The following CDK8 variants were observed in gnomAD, a reference collection of about 807,000 sequenced individuals.
The protein encoded by CDK8 is cyclin-dependent kinase 8.
Under a neutral mutation model 71.5 loss-of-function variants are expected in CDK8, and 29 were observed. That is an observed-to-expected ratio of 0.41 (90% confidence interval 0.30 to 0.55). The LOEUF is 0.55. Ranked by LOEUF, CDK8 falls within the 20% of genes least tolerant of loss-of-function variation. The pLI, the probability that CDK8 is intolerant of heterozygous loss-of-function variation, is 0.37. For synonymous variants in CDK8, 161 were observed against 192.1 expected, an observed-to-expected ratio of 0.84 and a Z score of 1.34; for missense variants, 288 against 572.6, an observed-to-expected ratio of 0.50 and a Z score of 5.07.
intron 1 of CDK8, among the ~76,000 whole-genome samples, chr13:26,309,610 A>G (rs1874195874): frequency 6.6e-6 from 1 of 151,896 alleles, no homozygotes; most frequent in African/African-American, 2.4e-5. Flanking sequence ...ATATGCCTGG[A>G]TTCCAGACCC....
chr13:26,295,956 G>C (rs1251233076), intron 1 of CDK8, among the ~76,000 whole-genome samples: 1 of 152,040 alleles, frequency 6.6e-6, no homozygotes, highest in Non-Finnish European at 1.5e-5. Context: ...CATTTGACTG[G>C]ACAGTGGCTG....
intron 1 of CDK8, among the ~76,000 whole-genome samples, chr13:26,263,906 C>T (rs971343968): frequency 1.1e-4 from 16 of 152,046 alleles, no homozygotes; most frequent in African/African-American, 3.9e-4. Context: ...GCCACTACGC[C>T]CGGCTAATTT....
intron 1 of CDK8, among the ~76,000 whole-genome samples, chr13:26,278,554 T>A (rs1265196588): frequency 6.6e-6 from 1 of 152,178 alleles, no homozygotes. Context: ...GGGATAAAAC[T>A]TGCAAGAACA....
chr13:26,327,514 G>A (rs1213176208), intron 1 of CDK8, among the ~76,000 whole-genome samples: 2 of 152,176 alleles, frequency 1.3e-5, no homozygotes, highest in African/African-American at 4.8e-5. Flanking sequence ...GTAAGAAATA[G>A]TTCTAGGCAG....
At position 26,342,170 on chromosome 13, in the gene CDK8, C is replaced by T. The variant is rs183763518; in HGVS notation, c.204+4528C>T. 2.0e-5 allele frequency among the ~76,000 whole-genome samples: 3 copies of T among 152,338 alleles called. 1 individual carries two copies. Among genetic ancestry groups the T allele is most frequent in the Admixed American group, 1.3e-4 (2 of 15,308 alleles). ...CCTCGTGATCCGCCCACCTCAGCCT[C>T]CCAAAGTGCTGGGATTACAGGCGGC... On this transcript the variant is annotated intron_variant, in intron 2 of 12. Transcript: ENST00000381527.
At chr13:26,358,588 T>A (rs1412480539) in intron 4 of CDK8, among the ~76,000 whole-genome samples, 1 of 152,140 alleles carries the variant, frequency 6.6e-6, no homozygotes, top group African/African-American at 2.4e-5. Context: ...TGGCAGTTTT[T>A]AAAAAAATTA....
intron 6 of CDK8, among the ~76,000 whole-genome samples, chr13:26,386,674 A>G (rs1875492421): frequency 6.6e-6 from 1 of 152,076 alleles, no homozygotes; most frequent in Non-Finnish European, 1.5e-5. Flanking sequence ...TAGTTCTTGT[A>G]TTTCTGAAAA....
intron 1 of CDK8, among the ~76,000 whole-genome samples, chr13:26,299,890 G>A (rs1055749558): frequency 4.6e-5 from 7 of 151,936 alleles, no homozygotes; most frequent in African/African-American, 1.5e-4. Flanking sequence ...AGGCTTGCTG[G>A]GCCATGTATA....
intron 1 of CDK8, among the ~76,000 whole-genome samples, chr13:26,279,293 T>C (rs568344824): frequency 2.0e-5 from 3 of 152,186 alleles, no homozygotes; most frequent in Non-Finnish European, 4.4e-5. Flanking sequence ...GGAAATTAAA[T>C]ATTCATTGGT....
At chr13:26,320,263 A>T (rs921948785) in intron 1 of CDK8, among the ~76,000 whole-genome samples, 1 of 151,648 alleles carries the variant, frequency 6.6e-6, no homozygotes, top group Non-Finnish European at 1.5e-5. Flanking sequence ...GAAAAAAAAA[A>T]GGCTGTGTGT....
chr13:26,370,198 A>G (rs1185545280), intron 4 of CDK8, among the ~76,000 whole-genome samples: 2 of 152,230 alleles, frequency 1.3e-5, no homozygotes, highest in Admixed American at 1.3e-4. Flanking sequence ...AGAACCTGAT[A>G]AAGATAATGC....
At chr13:26,372,977 G>A (rs1163400150) in intron 4 of CDK8, among the ~76,000 whole-genome samples, 1 of 152,080 alleles carries the variant, frequency 6.6e-6, no homozygotes, top group Non-Finnish European at 1.5e-5. Flanking sequence ...TGTGAATTAT[G>A]CCATACCCAC....
intron 8 of CDK8, 130 bp downstream of exon 8, chr13:26,396,484 CTA>C (rs916718171): frequency 2.8e-6 from 1 of 363,196 alleles, no homozygotes; most frequent in Non-Finnish European, 5.1e-6. Context: ...CTTATTTACT[CTA>C]ATAAATATTT....
In CDK8 at chr13:26,288,959, G is replaced by A. The variant is rs536921652; in HGVS notation, c.128+34190G>A. On this transcript the variant is annotated intron_variant, in intron 1 of 12. Coordinates refer to ENST00000381527, the MANE Select transcript of CDK8 (RefSeq NM_001260.3). ...AGAGATGGGGTTTCACTATGGTCTC[G>A]AATTCCTGACCTCAGATGATCCTCC... 1.3e-4 allele frequency among the ~76,000 whole-genome samples: 20 copies of A among 151,480 alleles called. No individual in the cohort carries two copies. The South Asian group carries it at 4.2e-3, about 32-fold the overall frequency.
chr13:26,383,110 T>C (rs567768706), intron 5 of CDK8, among the ~76,000 whole-genome samples: 19 of 152,262 alleles, frequency 1.2e-4, no homozygotes, highest in Non-Finnish European at 2.8e-4. Flanking sequence ...CAGAAACCTC[T>C]GCTTTCATTA....
chr13:26,319,595 A>C (rs1334816879), intron 1 of CDK8, among the ~76,000 whole-genome samples: 5 of 152,164 alleles, frequency 3.3e-5, no homozygotes, highest in Non-Finnish European at 5.9e-5. Context: ...TCCTATGTTC[A>C]TGAATTGGAA....
At position 26,254,366 on chromosome 13, in the gene CDK8, T is replaced by A. The variant is rs925206089; in HGVS notation, c.-276T>A. ...GCGGGGACAAGGGCAGAGACACCGC[T>A]CCCCACCCCCAGCCCTCGTCCCTCG... is the stretch of plus-strand genomic sequence containing the variant. On this transcript the variant is annotated 5_prime_UTR_variant, in exon 1 of 13. Coordinates refer to ENST00000381527, the MANE Select transcript of CDK8 (RefSeq NM_001260.3). The surrounding 1 kb of genome is among the most constrained non-coding windows in gnomAD (Gnocchi z 6.7). 2.6e-5 allele frequency: 8 copies of A among 307,436 alleles called. No homozygotes were observed. Among genetic ancestry groups the A allele is most frequent in the African/African-American group, 1.7e-4 (8 of 46,114 alleles). 19.0% of individuals were successfully genotyped at this position (307,436 alleles called of 1,614,324 possible).
intron 1 of CDK8, among the ~76,000 whole-genome samples, chr13:26,336,550 CTTTTTTTTTTTT>C (rs1227344754): frequency 1.7e-5 from 2 of 121,204 alleles, no homozygotes; most frequent in African/African-American, 6.4e-5. Flanking sequence ...TCTGAGGAGT[CTTTTTTTTTTTT>C]TTTTTTTTTG....
rs1221591829 is a variant in CDK8, at chr13:26,401,670, A to G, written c.1269+46A>G. On this transcript the variant is annotated intron_variant, in intron 12 of 12. Transcript: ENST00000381527. This position sits in a 1 kb window ranked among gnomAD's most constrained non-coding sequence, Gnocchi z 4.5. ...ATTGACTGCATGTCAGTGTTTACATATGGGTTTATGATCGTGGGAAAATGT... is the reference window on the plus strand; with the variant it reads ...ATTGACTGCATGTCAGTGTTTACATGTGGGTTTATGATCGTGGGAAAATGT... 7 of 1,584,440 alleles carry G rather than the reference A, an allele frequency of 4.4e-6. No individual in the cohort carries two copies. The South Asian group carries it at 4.4e-5, about 10-fold the overall frequency.
Sources: gnomAD v4.1 joint callset for allele counts (sites outside exome capture counted in the v4.1 genomes callset) on GRCh38, gnomAD v4.1.1 for gene constraint, Gnocchi (gnomAD v3.1) non-coding constraint, MANE v1.5 for transcripts, NCBI Gene and HGNC (gene_info 2026-07-23, HGNC 2026-07-21) for gene names.